PLXNA2: variants seen among roughly 807,000 people sequenced by gnomAD.
The protein encoded by PLXNA2 is plexin A2, also known as plexin-A2.
In PLXNA2, 91 loss-of-function variants were observed where a neutral mutation model predicts 193.5. That is an observed-to-expected ratio of 0.47 (90% confidence interval 0.40 to 0.56). PLXNA2 has a LOEUF of 0.56. PLXNA2 is among the 20% of genes least tolerant of loss of function. The pLI is 0.00. For synonymous variants in PLXNA2, 997 were observed against 1,027.3 expected (o/e 0.97, Z 0.56); for missense variants, 1,995 against 2,503.2 (o/e 0.80, Z 4.33).
At position 208,045,208 on chromosome 1, in the gene PLXNA2, G is replaced by A; in HGVS notation, c.3498C>T (p.Gly1166=). Reference sequence around the variant, plus strand: ...CAGAGGCAGGAGGGCAGAGGTTTTTGCCCTGTAGAGAATAGCAGTCTTTAT... The same window carrying A: ...CAGAGGCAGGAGGGCAGAGGTTTTTACCCTGTAGAGAATAGCAGTCTTTAT... ...QKPGSPIILK[G]KNLCPPASGG... Residue 1166 remains glycine, a splice_region_variant and synonymous_variant, in exon 19 of 32, where the codon GGC becomes GGT. Transcript: ENST00000367033. 2 of 1,613,988 alleles carry A rather than the reference G, an allele frequency of 1.2e-6. No homozygotes were observed. The highest frequency in any genetic ancestry group is 1.7e-6 in the Non-Finnish European group (2 of 1,179,906).
chr1:208,038,780 C>T lies in PLXNA2; in HGVS notation c.4660+45G>A. 1.3e-6 allele frequency: 2 copies of T among 1,588,552 alleles called. No homozygotes were observed. Among genetic ancestry groups the T allele is most frequent in the South Asian group, 1.1e-5 (1 of 87,748 alleles). Reference sequence around the variant, plus strand: ...GTGTGCATGGCAGCTTCCCTTCCTTCACCTCTCAACCCCTGCCCTCACACT... The same window carrying T: ...GTGTGCATGGCAGCTTCCCTTCCTTTACCTCTCAACCCCTGCCCTCACACT... On this transcript the variant is annotated intron_variant, in intron 25 of 31. Transcript: ENST00000367033. This position sits in a 1 kb window ranked among gnomAD's most constrained non-coding sequence, Gnocchi z 4.1.
intron 5 of PLXNA2, among the ~76,000 whole-genome samples, chr1:208,102,893 C>T (rs1667141181): frequency 1.3e-5 from 2 of 152,174 alleles, no homozygotes; most frequent in African/African-American, 2.4e-5. Flanking sequence ...GATATAAGCA[C>T]CTCACTTCAG....
At chr1:208,180,398 A>G (rs1392538440) in intron 3 of PLXNA2, among the ~76,000 whole-genome samples, 1 of 152,150 alleles carries the variant, frequency 6.6e-6, no homozygotes, top group Non-Finnish European at 1.5e-5. Context: ...CAGAAGGCAG[A>G]GAAAACAGGT....
At chr1:208,187,707 G>C (rs1048486613) in intron 3 of PLXNA2, among the ~76,000 whole-genome samples, 1 of 152,208 alleles carries the variant, frequency 6.6e-6, no homozygotes, top group Non-Finnish European at 1.5e-5. Flanking sequence ...TCTTGTAAAA[G>C]TCCCTGGCAA....
intron 4 of PLXNA2, among the ~76,000 whole-genome samples, chr1:208,141,529 T>A (rs1284885515): frequency 6.6e-6 from 1 of 152,174 alleles, no homozygotes; most frequent in Non-Finnish European, 1.5e-5. Flanking sequence ...CTTACCCTGT[T>A]AAGAAAAATG....
In PLXNA2 at chr1:208,210,331, G is replaced by T; in HGVS notation, c.1320C>A (p.Tyr440Ter). 6.2e-7 allele frequency: 1 copy of T among 1,614,024 alleles called. No individual in the cohort carries two copies. Among genetic ancestry groups the T allele is most frequent in the Non-Finnish European group, 8.5e-7 (1 of 1,180,008 alleles). The stretch of plus-strand genomic sequence containing the variant: ...CCACAAAAACCACGCTGTAGCCGTT[G>T]TAAACGTAGGAGGCCACAGAGGTCA... The part of the protein sequence containing the change: ...DRMTSVASYV[Y>*]NGYSVVFVGT... Residue 440 changes from tyrosine (Y) to a stop codon, truncating the protein, a stop_gained, in exon 3 of 32, where the codon TAC becomes TAA. Transcript: ENST00000367033. LOFTEE classifies it high-confidence loss of function.
Position 208,044,742 on chromosome 1 carries a change from C to T in PLXNA2, c.3640G>A (p.Val1214Ile). ...GAGAACACCATCCCGCCCACGTGAA[C>T]CTGTGCATTGTACACATACAGACGC... ...PNLTGQHKVM[V>I]HVGGMVFSPG... The change falls in exon 20 of 32, where the codon GTT (valine) becomes ATT (isoleucine). Residue 1214 changes from valine to isoleucine, a missense_variant and splice_region_variant. By Grantham distance (29) the Val-to-Ile change is conservative. Around this residue, in one of 3 missense-constraint regions of PLXNA2, gnomAD observed 1,291 missense variants for 1,673.6 expected, o/e 0.77. Coordinates refer to ENST00000367033, the MANE Select transcript of PLXNA2 (RefSeq NM_025179.4). The surrounding 1 kb of genome is among the most constrained non-coding windows in gnomAD (Gnocchi z 4.9). The T allele has an allele frequency of 6.2e-7, 1 of 1,611,642 alleles. No homozygotes were observed. Among genetic ancestry groups the T allele is most frequent in the East Asian group, 2.2e-5 (1 of 44,824 alleles).
intron 4 of PLXNA2, among the ~76,000 whole-genome samples, chr1:208,118,772 GC>G (rs1431237817): frequency 6.6e-6 from 1 of 151,892 alleles, no homozygotes; most frequent in Non-Finnish European, 1.5e-5. Context: ...TAAAAGAGGT[GC>G]TTAGGATATT....
At chr1:208,050,338 C>T (rs1405270083) in intron 17 of PLXNA2, among the ~76,000 whole-genome samples, 1 of 152,212 alleles carries the variant, frequency 6.6e-6, no homozygotes, top group Non-Finnish European at 1.5e-5. Context: ...ATGGCAGAAC[C>T]CTGCTTCCTC....
At chr1:208,180,994 A>G (rs1669824966) in intron 3 of PLXNA2, among the ~76,000 whole-genome samples, 1 of 152,202 alleles carries the variant, frequency 6.6e-6, no homozygotes, top group South Asian at 2.1e-4. Flanking sequence ...CCAGCCTTCC[A>G]AGCCTTCCAA....
At chr1:208,085,385 T>C (rs1666484885) in intron 9 of PLXNA2, among the ~76,000 whole-genome samples, 1 of 152,220 alleles carries the variant, frequency 6.6e-6, no homozygotes, top group Non-Finnish European at 1.5e-5. Flanking sequence ...AGGGAATCAC[T>C]AGGGGAATTC....
chr1:208,135,038 A>G (rs1668261800), intron 4 of PLXNA2, among the ~76,000 whole-genome samples: 1 of 152,124 alleles, frequency 6.6e-6, no homozygotes, highest in Non-Finnish European at 1.5e-5. Context: ...GGAGGAAACC[A>G]CAATTAGTTT....
At chr1:208,209,236 T>G (rs1224950255) in intron 3 of PLXNA2, among the ~76,000 whole-genome samples, 2 of 152,268 alleles carry the variant, frequency 1.3e-5, no homozygotes, top group East Asian at 3.9e-4. Context: ...TCACCTCCCC[T>G]GGCAGTAATT....
chr1:208,205,322 C>G (rs930800779), intron 3 of PLXNA2, among the ~76,000 whole-genome samples: 1 of 152,302 alleles, frequency 6.6e-6, no homozygotes, highest in Non-Finnish European at 1.5e-5. Flanking sequence ...CTATTCTTAA[C>G]CAGGAGGGAT....
At chr1:208,215,826 CAGCACCATG>C (rs1178316471) in intron 2 of PLXNA2, among the ~76,000 whole-genome samples, 1 of 152,136 alleles carries the variant, frequency 6.6e-6, no homozygotes, top group Non-Finnish European at 1.5e-5. Flanking sequence ...ACTTTGATGG[CAGCACCATG>C]AGCCGCTGAC....
At chr1:208,166,516 A>G (rs535195679) in intron 3 of PLXNA2, among the ~76,000 whole-genome samples, 1 of 152,374 alleles carries the variant, frequency 6.6e-6, no homozygotes, top group East Asian at 1.9e-4. Context: ...AGTATGATCT[A>G]GTCTTTGACC....
chr1:208,145,892 C>G (rs773975527), intron 3 of PLXNA2, among the ~76,000 whole-genome samples: 10 of 152,280 alleles, frequency 6.6e-5, no homozygotes, highest in Admixed American at 1.3e-4. Context: ...CCGAACTAAG[C>G]TATCCTATTT....
At chr1:208,242,393 G>C (rs556670012) in intron 1 of PLXNA2, among the ~76,000 whole-genome samples, 3 of 152,312 alleles carry the variant, frequency 2.0e-5, no homozygotes, top group African/African-American at 7.2e-5. Context: ...CTGTGCGCGT[G>C]AATGGAAGGA....
intron 3 of PLXNA2, among the ~76,000 whole-genome samples, chr1:208,150,223 C>G (rs628169): frequency 0.96 from 145,530 of 152,312 alleles, 69,871 homozygotes; most frequent in East Asian, 1. Flanking sequence ...CACACACACA[C>G]TGCTTCCAGC....
Sources: gnomAD v4.1 joint callset for allele counts (sites outside exome capture counted in the v4.1 genomes callset) on GRCh38, gnomAD v4.1.1 for gene constraint, gnomAD v4.1.1 regional missense constraint, Gnocchi (gnomAD v3.1) non-coding constraint, MANE v1.5 for transcripts, NCBI Gene and HGNC (gene_info 2026-07-23, HGNC 2026-07-21) for gene names.